The following RTN4RL1 variants were observed in gnomAD, a reference collection of about 807,000 sequenced individuals.
RTN4RL1 encodes reticulon 4 receptor like 1, also known as reticulon-4 receptor-like 1.
In RTN4RL1, 7 loss-of-function variants were observed where a neutral mutation model predicts 25.6. That is an observed-to-expected ratio of 0.27 (90% confidence interval 0.16 to 0.51). The LOEUF is 0.51. Among genes scored for constraint, RTN4RL1 ranks in the 20% least tolerant of loss-of-function variants. The pLI is 0.97. For missense variants in RTN4RL1, 500 were observed against 615.6 expected, an observed-to-expected ratio of 0.81 and a Z score of 1.99; for synonymous variants, 297 against 288.2, an observed-to-expected ratio of 1.03 and a Z score of -0.31.
Position 1,936,644 on chromosome 17 carries a change from A to G in RTN4RL1, c.1178T>C (p.Met393Thr). ...DYQHKFSFDI[M>T]PTARPKRKGK... ...CTTCCTCTTGGGCCGGGCCGTAGGC[A>G]TGATGTCAAAACTGAACTTGTGCTG... Residue 393 changes from methionine to threonine, a missense_variant, in exon 2 of 2, where the codon ATG becomes ACG. Met to Thr is a moderately conservative substitution (Grantham distance 81). Transcript: ENST00000331238. 1.9e-6 allele frequency: 3 copies of G among 1,594,466 alleles called. No individual in the cohort carries two copies. Among genetic ancestry groups the G allele is most frequent in the Non-Finnish European group, 1.7e-6 (2 of 1,171,390 alleles).
intron 1 of RTN4RL1, among the ~76,000 whole-genome samples, chr17:1,963,497 C>T (rs917445089): frequency 6.6e-6 from 1 of 152,210 alleles, no homozygotes; most frequent in Admixed American, 6.5e-5. Flanking sequence ...CTGCTGGATC[C>T]CTACTGCCCG....
At chr17:1,967,630 T>A (rs950817263) in intron 1 of RTN4RL1, among the ~76,000 whole-genome samples, 1 of 151,260 alleles carries the variant, frequency 6.6e-6, no homozygotes, top group Non-Finnish European at 1.5e-5. Flanking sequence ...AGCCCAACAC[T>A]TTCCAGTCTC....
At chr17:1,992,258 G>T (rs960240897) in intron 1 of RTN4RL1, among the ~76,000 whole-genome samples, 8 of 151,832 alleles carry the variant, frequency 5.3e-5, no homozygotes, top group Non-Finnish European at 7.4e-5. Context: ...CAGCTACTTG[G>T]GGGGGCAGGA....
chr17:1,961,979 G>GA (rs1242182548), intron 1 of RTN4RL1, among the ~76,000 whole-genome samples: 34,473 of 142,540 alleles, frequency 0.24, 4,958 homozygotes, highest in Non-Finnish European at 0.34. Flanking sequence ...AGAAAGAAAA[G>GA]AAAGAAAGAA....
intron 1 of RTN4RL1, among the ~76,000 whole-genome samples, chr17:2,004,301 G>A (rs576402815): frequency 7.1e-6 from 1 of 141,242 alleles, no homozygotes; most frequent in Admixed American, 7.6e-5. Flanking sequence ...CTGGGAGGCG[G>A]AACTTGGAGT....
chr17:1,958,177 G>A (rs1158980991), intron 1 of RTN4RL1, among the ~76,000 whole-genome samples: 1 of 152,192 alleles, frequency 6.6e-6, no homozygotes, highest in African/African-American at 2.4e-5. Flanking sequence ...GAGACAAAGT[G>A]AGATTGTGTC....
chr17:1,937,683 C>A lies in RTN4RL1; in HGVS notation c.139G>T (p.Ala47Ser), dbSNP rs750712981. 1.9e-6 allele frequency: 3 copies of A among 1,613,554 alleles called. No individual in the cohort carries two copies. The highest frequency in any genetic ancestry group is 2.5e-6 in the Non-Finnish European group (3 of 1,179,806). Residue 47 changes from alanine (A) to serine (S), a missense_variant, in exon 2 of 2, where the codon GCC (alanine) becomes TCC (serine). Physicochemically the swap from Ala to Ser is moderately conservative, Grantham distance 99 (BLOSUM62 1). Transcript: ENST00000331238. ...TVSCQAHNFA[A>S]IPEGIPVDSE... ...TCCACGGGGATGCCCTCCGGGATGG[C>A]TGCAAAGTTGTGCGCCTGGCAGCTG...
chr17:2,022,215 C>G (rs958385409), intron 1 of RTN4RL1, among the ~76,000 whole-genome samples: 10 of 151,986 alleles, frequency 6.6e-5, no homozygotes, highest in African/African-American at 2.4e-4. Flanking sequence ...ACTTGGGAGG[C>G]TGAGGCAGGA....
intron 1 of RTN4RL1, among the ~76,000 whole-genome samples, chr17:1,981,672 G>A (rs988361645): frequency 2.0e-5 from 3 of 152,150 alleles, no homozygotes; most frequent in African/African-American, 2.4e-5. Flanking sequence ...TGTGGCTGAC[G>A]TGCTGGTACA....
At chr17:2,002,116 C>T (rs1453376715) in intron 1 of RTN4RL1, among the ~76,000 whole-genome samples, 1 of 151,650 alleles carries the variant, frequency 6.6e-6, no homozygotes. Context: ...TATTTATTAC[C>T]CTCAATTATT....
intron 1 of RTN4RL1, chr17:2,020,258 A>G (rs972577469): frequency 1.3e-5 from 2 of 152,034 alleles, no homozygotes; most frequent in African/African-American, 4.8e-5. Flanking sequence ...TCTCCCCTCT[A>G]TACTTCCTCT....
chr17:1,978,030 C>G (rs1261562099), intron 1 of RTN4RL1, among the ~76,000 whole-genome samples: 1 of 151,872 alleles, frequency 6.6e-6, no homozygotes, highest in Admixed American at 6.6e-5. Context: ...CACCCCGCAT[C>G]TCTCACTCCG....
chr17:1,991,821 T>A (rs917627213), intron 1 of RTN4RL1, among the ~76,000 whole-genome samples: 1 of 152,208 alleles, frequency 6.6e-6, no homozygotes, highest in Non-Finnish European at 1.5e-5. Context: ...GTTTCTGAAC[T>A]TGCATGCTCC....
chr17:1,991,399 C>A (rs2066907747), intron 1 of RTN4RL1, among the ~76,000 whole-genome samples: 2 of 136,598 alleles, frequency 1.5e-5, no homozygotes, highest in African/African-American at 2.7e-5. Context: ...TTTTTTTGAA[C>A]CTCCCCCAAC....
chr17:2,021,653 C>T (rs936570728), intron 1 of RTN4RL1, among the ~76,000 whole-genome samples: 1 of 144,804 alleles, frequency 6.9e-6, no homozygotes, highest in Non-Finnish European at 1.5e-5. Context: ...CTCCCGGGTT[C>T]AAGCAATTCT....
At chr17:1,993,422 TA>T (rs939373865) in intron 1 of RTN4RL1, among the ~76,000 whole-genome samples, 6 of 152,340 alleles carry the variant, frequency 3.9e-5, no homozygotes, top group Admixed American at 3.9e-4. Context: ...GGAAGTCATT[TA>T]ACTTCCTTGA....
chr17:1,934,791 C>G lies in RTN4RL1; in HGVS notation c.*1705G>C, dbSNP rs1235984296. 1 of 152,692 alleles carries G rather than the reference C, an allele frequency of 6.5e-6. No homozygotes were observed. Among genetic ancestry groups the G allele is most frequent in the Non-Finnish European group, 1.5e-5 (1 of 68,096 alleles). The allele number at this position is 152,692 out of a possible 1,614,324, so 9.5% of individuals were successfully genotyped here. A position where few individuals can be genotyped will look rare whatever the true frequency, so the allele number is the denominator to read the frequency against. On this transcript the variant is annotated 3_prime_UTR_variant, in exon 2 of 2. Coordinates refer to ENST00000331238, the MANE Select transcript of RTN4RL1 (RefSeq NM_178568.4). This position sits in a 1 kb window ranked among gnomAD's most constrained non-coding sequence, Gnocchi z 4.0. Reference sequence around the variant, plus strand: ...GGGGGATTCAGGTTTGTGCAAAGCACAAAGGAGCTTGTACCCACCTGGGCC... The same window carrying G: ...GGGGGATTCAGGTTTGTGCAAAGCAGAAAGGAGCTTGTACCCACCTGGGCC...
chr17:1,938,452 C>T (rs968262562), intron 1 of RTN4RL1, among the ~76,000 whole-genome samples: 1 of 151,788 alleles, frequency 6.6e-6, no homozygotes, highest in Non-Finnish European at 1.5e-5. Context: ...TAGGTGCGCA[C>T]CATCACGCCC....
intron 1 of RTN4RL1, among the ~76,000 whole-genome samples, chr17:1,989,714 C>G (rs1403511937): frequency 1.3e-5 from 2 of 152,112 alleles, no homozygotes; most frequent in African/African-American, 4.8e-5. Flanking sequence ...GCCAGGATTA[C>G]AGGTGCATGC....
Sources: gnomAD v4.1 joint callset for allele counts (sites outside exome capture counted in the v4.1 genomes callset) on GRCh38, gnomAD v4.1.1 for gene constraint, Gnocchi (gnomAD v3.1) non-coding constraint, MANE v1.5 for transcripts, NCBI Gene and HGNC (gene_info 2026-07-23, HGNC 2026-07-21) for gene names.